Variants in ZNF888 observed in about 807,000 individuals in gnomAD.
The protein encoded by ZNF888 is CTD-2331H12.6.
In ZNF888, 5 loss-of-function variants were observed where a neutral mutation model predicts 7.2. That is an observed-to-expected ratio of 0.70 (90% CI 0.36 to 1.46). ZNF888 has a LOEUF of 1.46. Ranked by LOEUF, ZNF888 falls within the 40% of genes most tolerant of loss-of-function variation. ZNF888 has a pLI of 0.03. For missense variants in ZNF888, 716 were observed against 858.0 expected, an observed-to-expected ratio of 0.83 and a Z score of 2.07; for synonymous variants, 240 against 284.3, an observed-to-expected ratio of 0.84 and a Z score of 1.57.
chr19:52,907,069 G>A lies in ZNF888; in HGVS notation c.1253C>T (p.Thr418Met), dbSNP rs533717982. 71 of 1,610,096 alleles carry A rather than the reference G, an allele frequency of 4.4e-5. No individual in the cohort carries two copies. The East Asian group carries it at 5.4e-4, about 12-fold the overall frequency. Residue 418 changes from threonine to methionine, a missense_variant, in exon 5 of 5, where the codon ACG (threonine) becomes ATG (methionine). Physicochemically the swap from Thr to Met is moderately conservative, Grantham distance 81. This residue lies in a region of ZNF888 where 697 missense variants were observed against 803.4 expected (regional missense o/e 0.87). Transcript: ENST00000638862. ...TAAGAGGGCTGAATTTTCACCAAAC[G>A]TTTTGCCACACTCATTACACTTGTA... is the stretch of plus-strand genomic sequence containing the variant. ...KPYKCNECGK[T>M]FGENSALLVH...
intron 1 of ZNF888, among the ~76,000 whole-genome samples, chr19:52,922,282 CCT>C (rs1371017716): frequency 6.8e-6 from 1 of 147,916 alleles, no homozygotes; most frequent in African/African-American, 2.5e-5. Flanking sequence ...CTGAGCTCTC[CCT>C]GTTAAATTCT....
In ZNF888 at chr19:52,907,344, G is replaced by A; in HGVS notation, c.978C>T (p.Tyr326=). ...AAACCTTGCCACATTCATTACACTT[G>A]TAAGGTTTCTCTCCAGTATGAATTG... is the stretch of plus-strand genomic sequence containing the variant. The part of the protein sequence containing the change: ...HKTIHTGEKP[Y]KCNECGKVFN... Residue 326 remains tyrosine (Y), a synonymous_variant, in exon 5 of 5, where the codon TAC becomes TAT. Transcript: ENST00000638862. 4 of 1,613,660 alleles carry A rather than the reference G, an allele frequency of 2.5e-6. No homozygotes were observed. The highest frequency in any genetic ancestry group is 3.4e-6 in the Non-Finnish European group (4 of 1,179,796).
At chr19:52,909,013 C>G (rs1450437590) in intron 4 of ZNF888, among the ~76,000 whole-genome samples, 1 of 151,622 alleles carries the variant, frequency 6.6e-6, no homozygotes, top group African/African-American at 2.4e-5. Context: ...GGCGTGGTCG[C>G]GGGAGCCTGT....
At position 52,907,866 on chromosome 19, in the gene ZNF888, T is replaced by C; in HGVS notation, c.456A>G (p.Ile152Met). ...SFHSHLPELHIFQPEGKIGNQ... is the reference protein window; with the variant it reads ...SFHSHLPELHMFQPEGKIGNQ... ...TACCAATTTTCCCTTCGGGCTGAAA[T>C]ATGTGCAGTTCAGGCAGATGTGAAT... Residue 152 changes from isoleucine (I) to methionine (M), a missense_variant, in exon 5 of 5, where the codon ATA becomes ATG. Coordinates refer to ENST00000638862, the MANE Select transcript of ZNF888 (RefSeq NM_001393938.1). 6.2e-7 allele frequency: 1 copy of C among 1,614,180 alleles called. No homozygotes were observed.
At chr19:52,908,659 C>T (rs928023771) in intron 4 of ZNF888, among the ~76,000 whole-genome samples, 1 of 152,048 alleles carries the variant, frequency 6.6e-6, no homozygotes, top group African/African-American at 2.4e-5. Context: ...ACTGTCAAAC[C>T]ATCACAGCAC....
rs962020955 is a variant in ZNF888, at chr19:52,905,959, G to C, written c.*206C>G. 1 of 865,856 alleles carries C rather than the reference G, an allele frequency of 1.2e-6. No homozygotes were observed. Among genetic ancestry groups the C allele is most frequent in the Non-Finnish European group, 2.0e-6 (1 of 510,208 alleles). The allele number at this position is 865,856 out of a possible 1,614,324, so 53.6% of individuals were successfully genotyped here. On this transcript the variant is annotated 3_prime_UTR_variant, in exon 5 of 5. Transcript: ENST00000638862. ...GTATGAATTCTCCTGTTTTGCATAG[G>C]ATGAAGCTTGACTGAAGACCTTGCC...
intron 4 of ZNF888, among the ~76,000 whole-genome samples, chr19:52,912,111 C>T (rs761443015): frequency 2.2e-5 from 3 of 138,366 alleles, no homozygotes; most frequent in African/African-American, 6.4e-5. Flanking sequence ...CTGTGCCCGG[C>T]CTTTATTTTT....
intron 4 of ZNF888, among the ~76,000 whole-genome samples, chr19:52,912,169 C>T (rs8104558): frequency 2.1e-5 from 3 of 145,490 alleles, no homozygotes; most frequent in African/African-American, 5.3e-5. Context: ...GCTGGAGTGT[C>T]GTGGCAAGAT....
chr19:52,906,738 G>T lies in ZNF888; in HGVS notation c.1584C>A (p.Gly528=), dbSNP rs555563294. The T allele has an allele frequency of 1.2e-4, 191 of 1,608,758 alleles. No homozygotes were observed. In the African/African-American group the frequency reaches 2.5e-3, roughly 21 times the overall value. The change falls in exon 5 of 5, where the codon GGC becomes GGA. Residue 528 remains glycine (G), a synonymous_variant. Coordinates refer to ENST00000638862, the MANE Select transcript of ZNF888 (RefSeq NM_001393938.1). ...GEKPYKCNEC[G]KTFVQNSSLV... is the part of the protein sequence containing the mutation. ...GAGATGAATTTTGAACGAAGGTCTTGCCACACTCATTACACTTGTAAGGTT... is the reference window on the plus strand; with the variant it reads ...GAGATGAATTTTGAACGAAGGTCTTTCCACACTCATTACACTTGTAAGGTT...
At chr19:52,913,295 A>T (rs372221589) in intron 4 of ZNF888, among the ~76,000 whole-genome samples, 182 of 151,850 alleles carry the variant, frequency 1.2e-3, no homozygotes, top group African/African-American at 4.1e-3. Context: ...ACTGGAGAAG[A>T]AGTAGTTTTT....
Position 52,912,142 on chromosome 19 carries a change from C to T in ZNF888, c.142+3054G>A, listed in dbSNP as rs2064689117. Among the ~76,000 whole-genome samples, 3 of 144,112 alleles carry T rather than the reference C, an allele frequency of 2.1e-5. No homozygotes were observed. In the South Asian group the frequency reaches 6.5e-4, roughly 31 times the overall value. The allele number at this position is 144,112 out of a possible 152,430, so 94.5% of individuals were successfully genotyped here. A position where few individuals can be genotyped will look rare whatever the true frequency, so the allele number is the denominator to read the frequency against. On this transcript the variant is annotated intron_variant, in intron 4 of 4. Coordinates refer to ENST00000638862, the MANE Select transcript of ZNF888 (RefSeq NM_001393938.1). ...TTTTTATTTTTTTTTGAGACGGAAT[C>T]TTGCTCTGTCACCCAGGCTGGAGTG...
At chr19:52,910,590 T>A (rs1162940124) in intron 4 of ZNF888, among the ~76,000 whole-genome samples, 1 of 152,216 alleles carries the variant, frequency 6.6e-6, no homozygotes, top group Non-Finnish European at 1.5e-5. Flanking sequence ...TGACTACCTG[T>A]GAATACTAAA....
chr19:52,906,580 T>A lies in ZNF888; in HGVS notation c.1742A>T (p.Asn581Ile). The A allele has an allele frequency of 6.2e-7, 1 of 1,613,896 alleles. No individual in the cohort carries two copies. Among genetic ancestry groups the A allele is most frequent in the South Asian group, 1.1e-5 (1 of 91,062 alleles). ...LHTGEKPYKC[N>I]ECGKVFRTQS... Reference sequence around the variant, plus strand: ...TGTCCTAAAAACCTTGCCACATTCATTACACTTGTAAGGTTTCTCTCCAGT... The same window carrying A: ...TGTCCTAAAAACCTTGCCACATTCAATACACTTGTAAGGTTTCTCTCCAGT... Residue 581 changes from asparagine to isoleucine, a missense_variant, in exon 5 of 5, where the codon AAT becomes ATT. Physicochemically the swap from Asn to Ile is moderately radical, Grantham distance 149. Coordinates refer to ENST00000638862, the MANE Select transcript of ZNF888 (RefSeq NM_001393938.1).
chr19:52,908,917 C>T lies in ZNF888; in HGVS notation c.143-738G>A, dbSNP rs188014263. 3.2e-3 allele frequency among the ~76,000 whole-genome samples: 476 copies of T among 149,462 alleles called. 2 individuals carry two copies. The highest frequency in any genetic ancestry group is 5.2e-3 in the Non-Finnish European group (355 of 67,816). On this transcript the variant is annotated intron_variant, in intron 4 of 4. Transcript: ENST00000638862. ...ATCCCACTACTTTGGGAGGCCGAGG[C>T]AGGTGGATCTCCTCAGATCAGGAGT... is the stretch of plus-strand genomic sequence containing the variant.
chr19:52,907,559 G>A lies in ZNF888; in HGVS notation c.763C>T (p.Arg255Ter), dbSNP rs572927007. The change falls in exon 5 of 5, where the codon CGA (arginine) becomes TGA (stop). Residue 255 changes from arginine (R) to a stop codon, truncating the protein, a stop_gained. Coordinates refer to ENST00000638862, the MANE Select transcript of ZNF888 (RefSeq NM_001393938.1). LOFTEE classifies it low-confidence loss of function (END_TRUNC). Reference sequence around the variant, plus strand: ...CATCTACGATGGTGTGCAAGGTATCGCTTCTGATTAAAGTCTTTGCCACAT... The same window carrying A: ...CATCTACGATGGTGTGCAAGGTATCACTTCTGATTAAAGTCTTTGCCACAT... ...DVCGKDFNQK[R>*]YLAHHRRCHT... 2.6e-5 allele frequency: 42 copies of A among 1,609,276 alleles called. No individual in the cohort carries two copies. Among genetic ancestry groups the A allele is most frequent in the South Asian group, 1.9e-4 (17 of 90,226 alleles).
rs1332685370 is a variant in ZNF888, at chr19:52,906,865, C to A, written c.1457G>T (p.Arg486Ile). ...GTATGGTTTCTCACCAGTGTGAATT[C>A]TCCTATGTCTTTCAAGGTGTGATTT... ...SRKSHLERHR[R>I]IHTGEKPYKC... Residue 486 changes from arginine (R) to isoleucine (I), a missense_variant, in exon 5 of 5, where the codon AGA (arginine) becomes ATA (isoleucine). By Grantham distance (97) the Arg-to-Ile change is moderately conservative. Coordinates refer to ENST00000638862, the MANE Select transcript of ZNF888 (RefSeq NM_001393938.1). The A allele has an allele frequency of 3.7e-6, 6 of 1,612,004 alleles. No homozygotes were observed. Among genetic ancestry groups the A allele is most frequent in the African/African-American group, 1.3e-5 (1 of 74,184 alleles).
At chr19:52,911,917 G>T (rs1184717768) in intron 4 of ZNF888, among the ~76,000 whole-genome samples, 1 of 150,560 alleles carries the variant, frequency 6.6e-6, no homozygotes, top group Non-Finnish European at 1.5e-5. Context: ...CTTGGGTTCA[G>T]GCCATTCTCC....
chr19:52,913,032 GGGA>G (rs2064704515), intron 4 of ZNF888, among the ~76,000 whole-genome samples: 1 of 152,100 alleles, frequency 6.6e-6, no homozygotes, highest in Admixed American at 6.5e-5. Flanking sequence ...GCTTGAACCC[GGGA>G]GATGGAGGTT....
chr19:52,923,416 C>G lies in ZNF888; in HGVS notation c.-225G>C, dbSNP rs535027705. The G allele has an allele frequency of 3.0e-6, 3 of 985,206 alleles. No individual in the cohort carries two copies. Among genetic ancestry groups the G allele is most frequent in the African/African-American group, 3.5e-5 (2 of 56,752 alleles). The allele number at this position is 985,206 out of a possible 1,614,324, so 61.0% of individuals were successfully genotyped here. A position where few individuals can be genotyped will look rare whatever the true frequency, so the allele number is the denominator to read the frequency against. ...CACGCGATCCGCTTCCTGGTCCGGGCGAATCTACAAGCACAGGACAGAAGC... is the reference window on the plus strand; with the variant it reads ...CACGCGATCCGCTTCCTGGTCCGGGGGAATCTACAAGCACAGGACAGAAGC... On this transcript the variant is annotated 5_prime_UTR_variant, in exon 1 of 5. Transcript: ENST00000638862.
Sources: gnomAD v4.1 joint callset for allele counts (sites outside exome capture counted in the v4.1 genomes callset) on GRCh38, gnomAD v4.1.1 for gene constraint, gnomAD v4.1.1 regional missense constraint, MANE v1.5 for transcripts, NCBI Gene and HGNC (gene_info 2026-07-23, HGNC 2026-07-21) for gene names.